GPR161: variants seen among roughly 807,000 people sequenced by gnomAD.
GPR161 encodes the protein G-protein coupled receptor RE2.
In GPR161, 25 loss-of-function variants were observed where a neutral mutation model predicts 39.2. The ratio of observed to expected loss-of-function variants is 0.64; its 90% CI spans 0.47 to 0.89. GPR161 has a LOEUF of 0.89. GPR161 is among the 40% of genes least tolerant of loss of function. The probability of loss-of-function intolerance (pLI) is 0.00; values close to 1 mark genes in which losing one functional copy is unlikely to be tolerated. For synonymous variants in GPR161, 286 were observed against 276.6 expected, an observed-to-expected ratio of 1.03 and a Z score of -0.34; for missense variants, 547 against 677.8, an observed-to-expected ratio of 0.81 and a Z score of 2.14.
chr1:168,137,294 C>G, upstream of GPR161: 1 of 1,525,352 alleles, frequency 6.6e-7, no homozygotes, highest in Non-Finnish European at 8.8e-7. Context: ...CTCCATCACA[C>G]AGACACTTTC....
At chr1:168,087,528 C>T in intron 5 of GPR161, 57 bp downstream of exon 5, 2 of 1,603,830 alleles carry the variant, frequency 1.2e-6, no homozygotes, top group Non-Finnish European at 1.7e-6. Context: ...AGGAATTGTC[C>T]TAAGATCCTT....
chr1:168,136,635 C>T (rs948059176), intron 1 of GPR161, 104 bp downstream of exon 1: 2 of 1,215,488 alleles, frequency 1.6e-6, no homozygotes, highest in African/African-American at 3.1e-5. Context: ...CCCTTCCCGG[C>T]CCGCGCCCTG....
chr1:168,137,204 G>C, upstream of GPR161: 1 of 1,434,744 alleles, frequency 7.0e-7, no homozygotes, highest in East Asian at 2.5e-5. Flanking sequence ...AAACCTTTGT[G>C]GTGCCTAACT....
chr1:168,101,558 G>A (rs756851365), intron 2 of GPR161, among the ~76,000 whole-genome samples: 2 of 152,144 alleles, frequency 1.3e-5, no homozygotes, highest in African/African-American at 4.8e-5. Context: ...GTCCAGGCTC[G>A]GGCATCTCAG....
At position 168,080,257 on chromosome 1, in the gene GPR161, G is replaced by C. The variant is rs917667334; in HGVS notation, c.*5274C>G. 6.6e-6 allele frequency: 1 copy of C among 152,048 alleles called. No homozygotes were observed. The highest frequency in any genetic ancestry group is 1.5e-5 in the Non-Finnish European group (1 of 68,018). The allele number at this position is 152,048 out of a possible 1,614,324, so 9.4% of individuals were successfully genotyped here. On this transcript the variant is annotated 3_prime_UTR_variant, in exon 6 of 6. Coordinates refer to ENST00000682931, the MANE Select transcript of GPR161 (RefSeq NM_001375883.1). Reference sequence around the variant, plus strand: ...CTACATACCTAATAAAGCCCTGCTGGCCTGTTCTGTGATACTGATGACTCT... The same window carrying C: ...CTACATACCTAATAAAGCCCTGCTGCCCTGTTCTGTGATACTGATGACTCT...
upstream of GPR161, chr1:168,137,483 A>T: frequency 8.2e-7 from 1 of 1,218,242 alleles, no homozygotes; most frequent in African/African-American, 1.5e-5. Context: ...ATTCGTCCCG[A>T]AGCCAGCCCC....
intron 2 of GPR161, among the ~76,000 whole-genome samples, chr1:168,097,816 C>T (rs1370143019): frequency 1.3e-5 from 2 of 152,112 alleles, no homozygotes; most frequent in Admixed American, 6.5e-5. Flanking sequence ...CTGTGAGCAG[C>T]GGATATGTCA....
At chr1:168,086,330 G>A (rs1054551750) in intron 5 of GPR161, among the ~76,000 whole-genome samples, 6 of 152,174 alleles carry the variant, frequency 3.9e-5, no homozygotes, top group African/African-American at 1.2e-4. Flanking sequence ...CCAGGATTAG[G>A]AGCCCTAAAC....
intron 2 of GPR161, among the ~76,000 whole-genome samples, chr1:168,103,217 A>G (rs1278474024): frequency 1.3e-5 from 2 of 152,222 alleles, no homozygotes; most frequent in Admixed American, 6.5e-5. Flanking sequence ...ATATTTGAAA[A>G]TAAGAGAAAA....
At position 168,087,569 on chromosome 1, in the gene GPR161, A is replaced by G. The variant is rs370151468; in HGVS notation, c.1324+16T>C. 15 of 1,613,882 alleles carry G rather than the reference A, an allele frequency of 9.3e-6. 1 individual carries two copies. Among genetic ancestry groups the G allele is most frequent in the South Asian group, 3.3e-5 (3 of 91,064 alleles). ...TTCCCTATGTTTTCTTGAAGCAATC[A>G]GTCACAGAAGCCAACCTTTGATTTG... is the stretch of plus-strand genomic sequence containing the variant. On this transcript the variant is annotated intron_variant, in intron 5 of 5. Coordinates refer to ENST00000682931, the MANE Select transcript of GPR161 (RefSeq NM_001375883.1).
upstream of GPR161, chr1:168,137,168 C>A (rs1572409641): frequency 7.2e-7 from 1 of 1,394,212 alleles, no homozygotes; most frequent in East Asian, 2.7e-5. Flanking sequence ...CCCTTACCCT[C>A]TCGGCTCGCC....
intron 1 of GPR161, among the ~76,000 whole-genome samples, chr1:168,134,299 T>C (rs1267707036): frequency 6.6e-6 from 1 of 152,238 alleles, no homozygotes; most frequent in East Asian, 1.9e-4. Context: ...ATATTTGCCA[T>C]GAATGCTATC....
chr1:168,116,141 G>A (rs1316480189), intron 1 of GPR161, among the ~76,000 whole-genome samples: 1 of 152,164 alleles, frequency 6.6e-6, no homozygotes, highest in Admixed American at 6.5e-5. Flanking sequence ...GAGTGAGGCA[G>A]TGTTTCATTT....
At chr1:168,100,147 G>A (rs1485413360) in intron 2 of GPR161, among the ~76,000 whole-genome samples, 1 of 144,276 alleles carries the variant, frequency 6.9e-6, no homozygotes, top group Non-Finnish European at 1.5e-5. Context: ...GGTCAAGGCT[G>A]CAATGAGCCA....
upstream of GPR161, chr1:168,137,224 C>A (rs141351696): frequency 3.3e-4 from 481 of 1,470,360 alleles, 4 homozygotes; most frequent in African/African-American, 6.1e-3. Context: ...TCAGGCCTTC[C>A]CTGTTCCCGT....
In GPR161 at chr1:168,097,419, G is replaced by C. The variant is rs142255437; in HGVS notation, c.375-187C>G. Among the ~76,000 whole-genome samples, 22 of 152,212 alleles carry C rather than the reference G, an allele frequency of 1.4e-4. No homozygotes were observed. In the East Asian group the frequency reaches 4.3e-3, roughly 29 times the overall value. ...CAGCTCTGCAGAGCTCTTTAACAGA[G>C]AAGAGCTCAACACTGGCAAGACACA... is the stretch of plus-strand genomic sequence containing the variant. On this transcript the variant is annotated intron_variant, in intron 2 of 5. Transcript: ENST00000682931.
At chr1:168,107,958 T>G (rs1206716029) in intron 1 of GPR161, among the ~76,000 whole-genome samples, 1 of 152,220 alleles carries the variant, frequency 6.6e-6, no homozygotes, top group Non-Finnish European at 1.5e-5. Context: ...GCACCCTGTC[T>G]TAGTCTGTTT....
chr1:168,108,640 CTA>C (rs993878396), intron 1 of GPR161, among the ~76,000 whole-genome samples: 4 of 151,458 alleles, frequency 2.6e-5, no homozygotes, highest in African/African-American at 9.7e-5. Flanking sequence ...GTAAATTTCT[CTA>C]TTTCTTTATA....
upstream of GPR161, chr1:168,137,124 C>T: frequency 2.6e-6 from 3 of 1,150,628 alleles, no homozygotes; most frequent in South Asian, 1.1e-4. Context: ...CCATTTCTTC[C>T]CACGAACAGC....
Sources: allele counts gnomAD v4.1 joint callset (sites outside exome capture counted in the v4.1 genomes callset), GRCh38; gene constraint gnomAD v4.1.1; transcripts MANE v1.5; gene names NCBI Gene and HGNC (gene_info 2026-07-23, HGNC 2026-07-21).